The following DHX38 variants were observed in gnomAD, a reference collection of about 807,000 sequenced individuals.
DHX38 encodes pre-mRNA-splicing factor ATP-dependent RNA helicase PRP16.
DHX38 carries 100 observed loss-of-function variants against 153.1 expected under a neutral mutation model. The observed-to-expected ratio is 0.65, with a 90% CI of 0.56 to 0.77. DHX38 has a LOEUF of 0.77. Ranked by LOEUF, DHX38 falls within the 30% of genes least tolerant of loss-of-function variation. The pLI is 0.00. For missense variants in DHX38, 1,440 were observed against 1,654.0 expected (o/e 0.87, Z 2.24); for synonymous variants, 650 against 631.7 (o/e 1.03, Z -0.43).
Position 72,103,769 on chromosome 16 carries a change from G to T in DHX38, c.1805G>T (p.Gly602Val). ...GCCAAGAGAGTCAGTGAAGAGATGG[G>T]GGGAAACCTTGGCGAGGAGGTGAGT... ...SVAKRVSEEMGGNLGEEVGYA... is the reference protein window; with the variant it reads ...SVAKRVSEEMVGNLGEEVGYA... The change falls in exon 13 of 27, where the codon GGG becomes GTG. Residue 602 changes from glycine (G) to valine (V), a missense_variant. Around this residue, in one of 6 missense-constraint regions of DHX38, gnomAD observed 241 missense variants for 229.5 expected, o/e 1.05. Transcript: ENST00000268482. The T allele has an allele frequency of 6.8e-6, 11 of 1,612,152 alleles. No individual in the cohort carries two copies. The highest frequency in any genetic ancestry group is 9.3e-6 in the Non-Finnish European group (11 of 1,178,272).
rs2042018743 is a variant in DHX38 at position 72,096,384 on chromosome 16, TCTC to T, written c.233_235del (p.Ser78del). 6.2e-7 allele frequency: 1 copy of T among 1,613,980 alleles called. No individual in the cohort carries two copies. The highest frequency in any genetic ancestry group is 8.5e-7 in the Non-Finnish European group (1 of 1,180,006). On this transcript the variant is annotated inframe_deletion, in exon 2 of 27. Coordinates refer to ENST00000268482, the MANE Select transcript of DHX38 (RefSeq NM_014003.4). ...GGGGAGGACAAGAAGAAGTCCAAAG[TCTC>T]CTCCTACAAGGACTGGGAAGAGAGC...
At chr16:72,110,918 C>A in intron 25 of DHX38, 38 bp from the exon 26 acceptor site, 2 of 1,548,714 alleles carry the variant, frequency 1.3e-6, no homozygotes, top group East Asian at 2.4e-5. Flanking sequence ...CCTTAGTGGT[C>A]CCCAGTAGGC....
intron 25 of DHX38, chr16:72,109,812 G>A (rs933791545): frequency 4.9e-5 from 11 of 223,318 alleles, no homozygotes; most frequent in South Asian, 8.1e-5. Flanking sequence ...AATTGTCAAC[G>A]TTTGTTCAAT....
At position 72,107,636 on chromosome 16, in the gene DHX38, C is replaced by G; in HGVS notation, c.2810-9C>G. ...CCGTCAAATATCCGGGTTTGCTCAT[C>G]TCTCCTAGGTGGTCTGACCTCTACC... On this transcript the variant is annotated splice_polypyrimidine_tract_variant and intron_variant, in intron 20 of 26. Transcript: ENST00000268482. This position sits in a 1 kb window ranked among gnomAD's most constrained non-coding sequence, Gnocchi z 5.3. 2 of 1,612,714 alleles carry G rather than the reference C, an allele frequency of 1.2e-6. No homozygotes were observed. The highest frequency in any genetic ancestry group is 1.7e-6 in the Non-Finnish European group (2 of 1,178,826).
chr16:72,103,253 G>C, intron 12 of DHX38, 42 bp downstream of exon 12: 1 of 1,597,824 alleles, frequency 6.3e-7, no homozygotes, highest in Non-Finnish European at 8.5e-7. Context: ...TCAAGTCAGG[G>C]GTGCCCTTGG....
intron 19 of DHX38, 53 bp downstream of exon 19, chr16:72,106,170 G>T: frequency 6.4e-7 from 1 of 1,570,462 alleles, no homozygotes. Flanking sequence ...GTTGCTGAGC[G>T]TGGAGCCCGG....
In DHX38 at chr16:72,104,914, C is replaced by A; in HGVS notation, c.2152-113C>A. On this transcript the variant is annotated intron_variant, in intron 15 of 26. Transcript: ENST00000268482. This position sits in a 1 kb window ranked among gnomAD's most constrained non-coding sequence, Gnocchi z 4.5. Reference sequence around the variant, plus strand: ...AGGCCCATGTGGAGGTGTGGTGGCCCTCAAAGTCCATGGCTCCATTCCAGA... The same window carrying A: ...AGGCCCATGTGGAGGTGTGGTGGCCATCAAAGTCCATGGCTCCATTCCAGA... 1 of 1,118,170 alleles carries A rather than the reference C, an allele frequency of 8.9e-7. No individual in the cohort carries two copies. The highest frequency in any genetic ancestry group is 1.3e-6 in the Non-Finnish European group (1 of 790,250). 69.3% of individuals were successfully genotyped at this position (1,118,170 alleles called of 1,614,324 possible).
At chr16:72,100,788 G>A (rs939488393) in intron 9 of DHX38, among the ~76,000 whole-genome samples, 191 bp downstream of exon 9, 5 of 152,216 alleles carry the variant, frequency 3.3e-5, no homozygotes, top group African/African-American at 4.8e-5. Context: ...TTAGCCGGGT[G>A]TGGTGGCAGG....
chr16:72,109,973 T>C (rs1567612338), intron 25 of DHX38, among the ~76,000 whole-genome samples: 1 of 152,218 alleles, frequency 6.6e-6, no homozygotes, highest in Non-Finnish European at 1.5e-5. Flanking sequence ...TGTGCCGTTA[T>C]CACTCATAAA....
chr16:72,094,956 A>G (rs1167289563), intron 1 of DHX38, among the ~76,000 whole-genome samples: 1 of 152,250 alleles, frequency 6.6e-6, no homozygotes, highest in Non-Finnish European at 1.5e-5. Context: ...AGATGTCACC[A>G]ATATGCAGCT....
Position 72,098,656 on chromosome 16 carries a change from C to G in DHX38, c.628C>G (p.Pro210Ala). ...CTTTTGTGGCCCAGATGCAGCCACC[C>G]CTTCAAGGTCTACCTGGGAGGAAGA... Reference protein sequence around the residue: ...PRHRPKDAATPSRSTWEEEDS... With the variant: ...PRHRPKDAATASRSTWEEEDS... Residue 210 changes from proline to alanine, a missense_variant, in exon 5 of 27, where the codon CCT (proline) becomes GCT (alanine). By Grantham distance (27) the Pro-to-Ala change is conservative (BLOSUM62 -1). This residue lies in a region of DHX38 where 483 missense variants were observed against 465.1 expected (regional missense o/e 1.04). Coordinates refer to ENST00000268482, the MANE Select transcript of DHX38 (RefSeq NM_014003.4). 1 of 1,614,052 alleles carries G rather than the reference C, an allele frequency of 6.2e-7. No homozygotes were observed. The highest frequency in any genetic ancestry group is 1.3e-5 in the African/African-American group (1 of 75,036).
rs2042209309 is a variant in DHX38 at position 72,108,278 on chromosome 16, A to G, written c.3016A>G (p.Ser1006Gly). 1 of 1,614,018 alleles carries G rather than the reference A, an allele frequency of 6.2e-7. No homozygotes were observed. Among genetic ancestry groups the G allele is most frequent in the Non-Finnish European group, 8.5e-7 (1 of 1,180,018 alleles). ...CCGGGAGAAGTTCGCTGTTCCTGAG[A>G]GCGATCATTTGACCTACCTGAATGT... ...QIREKFAVPESDHLTYLNVYL... is the reference protein window; with the variant it reads ...QIREKFAVPEGDHLTYLNVYL... The change falls in exon 22 of 27, where the codon AGC becomes GGC. Residue 1006 changes from serine to glycine, a missense_variant. Transcript: ENST00000268482.
chr16:72,097,590 G>C (rs2042038568), intron 3 of DHX38, 87 bp from the exon 4 acceptor site: 2 of 1,296,882 alleles, frequency 1.5e-6, no homozygotes, highest in East Asian at 5.0e-5. Flanking sequence ...CTGTGAGTGA[G>C]TGGGCAGCCT....
Position 72,106,059 on chromosome 16 carries a change from G to A in DHX38, c.2542G>A (p.Ala848Thr), listed in dbSNP as rs747620245. 51 of 1,614,108 alleles carry A rather than the reference G, an allele frequency of 3.2e-5. No individual in the cohort carries two copies. Among genetic ancestry groups the A allele is most frequent in the Non-Finnish European group, 5.1e-6 (6 of 1,180,050 alleles). Residue 848 changes from alanine to threonine, a missense_variant, in exon 19 of 27, where the codon GCC becomes ACC. By Grantham distance (58) the Ala-to-Thr change is moderately conservative. Transcript: ENST00000268482. ...TCTGCAGATCTATCCCATTAGCCAGGCCAATGCCAACCAGCGGTCAGGGCG... is the reference window on the plus strand; with the variant it reads ...TCTGCAGATCTATCCCATTAGCCAGACCAATGCCAACCAGCGGTCAGGGCG... ...DALQIYPISQ[A>T]NANQRSGRAG... is the part of the protein sequence containing the mutation.
At chr16:72,105,779 G>C (rs1597446158) in intron 18 of DHX38, among the ~76,000 whole-genome samples, 155 bp downstream of exon 18, 1 of 152,142 alleles carries the variant, frequency 6.6e-6, no homozygotes, top group Non-Finnish European at 1.5e-5. Context: ...CACTGTGCTT[G>C]GTTTGTTTAA....
chr16:72,096,284 G>C lies in DHX38; in HGVS notation c.127G>C (p.Ala43Pro). 1 of 1,614,198 alleles carries C rather than the reference G, an allele frequency of 6.2e-7. No individual in the cohort carries two copies. Among genetic ancestry groups the C allele is most frequent in the Admixed American group, 1.7e-5 (1 of 60,028 alleles). The stretch of plus-strand genomic sequence containing the variant: ...CGAGCAGCATGTCTTCAAGGCTCCT[G>C]CTCCCCGCCCTTCATTACTCGGACT... ...ASEQHVFKAP[A>P]PRPSLLGLDL... is the part of the protein sequence containing the mutation. Residue 43 changes from alanine (A) to proline (P), a missense_variant, in exon 2 of 27, where the codon GCT (alanine) becomes CCT (proline). By Grantham distance (27) the Ala-to-Pro change is conservative. Transcript: ENST00000268482.
At chr16:72,098,876 A>T in intron 5 of DHX38, 51 bp from the exon 6 acceptor site, 1 of 1,613,896 alleles carries the variant, frequency 6.2e-7, no homozygotes, top group Non-Finnish European at 8.5e-7. Flanking sequence ...GGCCAGGAGG[A>T]CGTGGCTTAG....
Position 72,107,589 on chromosome 16 carries a change from C to A in DHX38, c.2809+41C>A, listed in dbSNP as rs376265558. The A allele has an allele frequency of 8.1e-6, 13 of 1,608,144 alleles. No homozygotes were observed. In the Admixed American group the frequency reaches 1.0e-4, roughly 12 times the overall value. ...GAGCCTCATGGGTGCTGGCGCTTGA[C>A]TTCCTTCTTTCCTCTACTGTCCCGT... On this transcript the variant is annotated intron_variant, in intron 20 of 26. Transcript: ENST00000268482. This position sits in a 1 kb window ranked among gnomAD's most constrained non-coding sequence, Gnocchi z 5.3.
chr16:72,107,624 G>A lies in DHX38; in HGVS notation c.2810-21G>A, dbSNP rs368835823. 9 of 1,611,320 alleles carry A rather than the reference G, an allele frequency of 5.6e-6. No individual in the cohort carries two copies. The East Asian group carries it at 1.3e-4, about 24-fold the overall frequency. On this transcript the variant is annotated intron_variant, in intron 20 of 26. Coordinates refer to ENST00000268482, the MANE Select transcript of DHX38 (RefSeq NM_014003.4). The surrounding 1 kb of genome is among the most constrained non-coding windows in gnomAD (Gnocchi z 5.3). ...TCCTCTACTGTCCCGTCAAATATCC[G>A]GGTTTGCTCATCTCTCCTAGGTGGT... is the stretch of plus-strand genomic sequence containing the variant.
Sources: allele counts gnomAD v4.1 joint callset (sites outside exome capture counted in the v4.1 genomes callset), GRCh38; gene constraint gnomAD v4.1.1; regional missense constraint gnomAD v4.1.1; non-coding constraint Gnocchi (gnomAD v3.1); transcripts MANE v1.5; gene names NCBI Gene and HGNC (gene_info 2026-07-23, HGNC 2026-07-21).